Variants in ZC4H2 observed in about 807,000 individuals in gnomAD.
ZC4H2 encodes zinc finger C4H2-type containing.
For synonymous variants in ZC4H2, 84 were observed against 66.3 expected (o/e 1.27, Z -1.30); for missense variants, 137 against 173.9 (o/e 0.79, Z 1.19).
intron 1 of ZC4H2, among the ~76,000 whole-genome samples, chrX:64,989,626 C>A (rs1034937768): frequency 2.7e-5 from 3 of 111,923 alleles, no homozygotes; most frequent in Non-Finnish European, 3.8e-5. Flanking sequence ...TATTTGAAAA[C>A]TACATATTCA....
At chrX:65,023,451 G>A (rs1932851936) in intron 1 of ZC4H2, among the ~76,000 whole-genome samples, 1 of 111,780 alleles carries the variant, frequency 8.9e-6, no homozygotes, top group South Asian at 3.7e-4. Context: ...CAAAGGGAAT[G>A]CTTTCAGTTT....
At chrX:64,940,071 T>C (rs1930198925) in intron 1 of ZC4H2, among the ~76,000 whole-genome samples, 1 of 111,926 alleles carries the variant, frequency 8.9e-6, no homozygotes, top group South Asian at 3.7e-4. Flanking sequence ...CCAGCTTCTG[T>C]TGTTTCCTGA....
At chrX:64,959,202 T>C (rs1033079072) in intron 1 of ZC4H2, among the ~76,000 whole-genome samples, 7 of 108,775 alleles carry the variant, frequency 6.4e-5, no homozygotes, top group African/African-American at 2.3e-4. Flanking sequence ...CGAAACCCTG[T>C]ATACAGTGAA....
At chrX:65,015,538 CA>C (rs1360387007) in intron 1 of ZC4H2, among the ~76,000 whole-genome samples, 1 of 111,862 alleles carries the variant, frequency 8.9e-6, no homozygotes, top group African/African-American at 3.2e-5. Flanking sequence ...CCTTACTCCT[CA>C]AAGATCTTGG....
chrX:64,950,200 G>A (rs1468384082), intron 1 of ZC4H2, among the ~76,000 whole-genome samples: 3 of 111,754 alleles, frequency 2.7e-5, no homozygotes, highest in East Asian at 2.8e-4. Context: ...TGATTGCACC[G>A]TGGTCTGAGA....
In ZC4H2 at chrX:64,920,270, G is replaced by T. The variant is rs747293088; in HGVS notation, c.226-17C>A. On this transcript the variant is annotated splice_polypyrimidine_tract_variant and intron_variant, in intron 2 of 4. Coordinates refer to ENST00000374839, the MANE Select transcript of ZC4H2 (RefSeq NM_018684.4). ...GTTTTCCATCTGGAACATAGAGTGG[G>T]ATAGGCACAGAGAAAAGATCCTAAG... 1 of 1,200,432 alleles carries T rather than the reference G, an allele frequency of 8.3e-7. No homozygotes were observed. Among genetic ancestry groups the T allele is most frequent in the South Asian group, 1.8e-5 (1 of 54,804 alleles).
At chrX:64,935,732 GC>G (rs1929975402) in intron 1 of ZC4H2, among the ~76,000 whole-genome samples, 1 of 111,919 alleles carries the variant, frequency 8.9e-6, no homozygotes, top group Non-Finnish European at 1.9e-5. Context: ...CAGCAGAGGG[GC>G]CCGACTGTTA....
At chrX:64,973,465 C>T (rs1292612038) in intron 1 of ZC4H2, among the ~76,000 whole-genome samples, 3 of 109,317 alleles carry the variant, frequency 2.7e-5, no homozygotes, top group Middle Eastern at 4.3e-3. Flanking sequence ...TTTACAATCC[C>T]CTTTACATTC....
intron 1 of ZC4H2, among the ~76,000 whole-genome samples, chrX:65,011,073 C>A (rs758324479): frequency 9.0e-6 from 1 of 111,470 alleles, no homozygotes; most frequent in Non-Finnish European, 1.9e-5. Flanking sequence ...AATAAACAGT[C>A]TTTTTCTTCT....
intron 1 of ZC4H2, among the ~76,000 whole-genome samples, chrX:64,924,258 G>C (rs1247105754): frequency 8.9e-6 from 1 of 111,983 alleles, no homozygotes; most frequent in Non-Finnish European, 1.9e-5. Flanking sequence ...TTCTGCCTCT[G>C]ATTAACTATT....
At chrX:64,957,444 C>T (rs1931199149) in intron 1 of ZC4H2, among the ~76,000 whole-genome samples, 3 of 112,379 alleles carry the variant, frequency 2.7e-5, no homozygotes, top group Admixed American at 1.9e-4. Context: ...CTTAGCTTGA[C>T]ACAAAAACAT....
chrX:64,932,650 G>T, intron 1 of ZC4H2, among the ~76,000 whole-genome samples: 1 of 111,083 alleles, frequency 9.0e-6, no homozygotes, highest in South Asian at 3.8e-4. Flanking sequence ...AAAATTTTAG[G>T]GTGACATTAT....
chrX:64,938,484 AAG>A (rs1053066434), intron 1 of ZC4H2, among the ~76,000 whole-genome samples: 1 of 111,912 alleles, frequency 8.9e-6, no homozygotes, highest in African/African-American at 3.3e-5. Flanking sequence ...CACAACAAAA[AAG>A]GGAAATTTCA....
intron 1 of ZC4H2, among the ~76,000 whole-genome samples, chrX:64,940,971 C>G (rs903879271): frequency 8.9e-6 from 1 of 111,973 alleles, no homozygotes; most frequent in African/African-American, 3.2e-5. Context: ...AGCATTGAAT[C>G]TATGAATTAC....
intron 1 of ZC4H2, among the ~76,000 whole-genome samples, chrX:65,030,078 TAG>T (rs1428496851): frequency 1.8e-5 from 2 of 112,170 alleles, no homozygotes; most frequent in African/African-American, 6.5e-5. Flanking sequence ...TTTGAAATTC[TAG>T]GAATTACTTC....
At chrX:64,932,714 T>C (rs1929814068) in intron 1 of ZC4H2, among the ~76,000 whole-genome samples, 1 of 111,892 alleles carries the variant, frequency 8.9e-6, no homozygotes, top group Non-Finnish European at 1.9e-5. Context: ...TTGTAAAGCT[T>C]CTGCTGAGAA....
chrX:64,918,647 CA>C (rs1929038645), intron 4 of ZC4H2: 1 of 125,601 alleles, frequency 8.0e-6, no homozygotes, highest in Non-Finnish European at 1.6e-5. Flanking sequence ...TCTAACTTTG[CA>C]AATTTGTTTC....
At chrX:64,981,914 A>C (rs1254435574) in intron 1 of ZC4H2, among the ~76,000 whole-genome samples, 1 of 111,120 alleles carries the variant, frequency 9.0e-6, no homozygotes, top group Non-Finnish European at 1.9e-5. Context: ...GCAATGTTTC[A>C]GCTGAAATTC....
intron 1 of ZC4H2, among the ~76,000 whole-genome samples, chrX:64,985,097 T>C (rs747583549): frequency 1.2e-4 from 13 of 112,430 alleles, no homozygotes; most frequent in Non-Finnish European, 2.3e-4. Flanking sequence ...CAATCAACTG[T>C]TGGTAGACAC....
Sources: allele counts gnomAD v4.1 joint callset (sites outside exome capture counted in the v4.1 genomes callset), GRCh38; gene constraint gnomAD v4.1.1; transcripts MANE v1.5; gene names NCBI Gene and HGNC (gene_info 2026-07-23, HGNC 2026-07-21).